The following RAPGEF2 variants were observed in gnomAD, a reference collection of about 807,000 sequenced individuals.
RAPGEF2 encodes PDZ domain containing guanine nucleotide exchange factor (GEF) 1.
In RAPGEF2, 54 loss-of-function variants were observed where a neutral mutation model predicts 186.7. The ratio of observed to expected loss-of-function variants is 0.29; its 90% CI spans 0.23 to 0.36. The LOEUF is 0.36. Among genes scored for constraint, RAPGEF2 ranks in the 10% least tolerant of loss-of-function variants. RAPGEF2 has a pLI of 1.00. For synonymous variants in RAPGEF2, 712 were observed against 705.9 expected, an observed-to-expected ratio of 1.01 and a Z score of -0.14; for missense variants, 1,532 against 2,045.0, an observed-to-expected ratio of 0.75 and a Z score of 4.84.
intron 12 of RAPGEF2, 75 bp from the exon 13 acceptor site, chr4:159,330,255 GTATA>G (rs1766471560): frequency 6.1e-6 from 5 of 815,482 alleles, no homozygotes; most frequent in Admixed American, 3.0e-5. Flanking sequence ...ATGTGTGTGT[GTATA>G]TGTATATGTG....
At chr4:159,315,083 A>G (rs1204451008) in intron 9 of RAPGEF2, among the ~76,000 whole-genome samples, 1 of 151,638 alleles carries the variant, frequency 6.6e-6, no homozygotes, top group Non-Finnish European at 1.5e-5. Context: ...TATTACTTCT[A>G]TTAATTTTCT....
intron 7 of RAPGEF2, among the ~76,000 whole-genome samples, chr4:159,263,756 A>G (rs936082953): frequency 1.3e-5 from 2 of 152,196 alleles, no homozygotes; most frequent in African/African-American, 4.8e-5. Context: ...AAGTGTGATT[A>G]ATCATTACTG....
At chr4:159,295,738 TGTGTGTGTGTGTGTGTGCGCGC>T (rs1314008170) in intron 7 of RAPGEF2, among the ~76,000 whole-genome samples, 5 of 133,808 alleles carry the variant, frequency 3.7e-5, no homozygotes, top group African/African-American at 1.4e-4. Flanking sequence ...TGTGTGTGTG[TGTGTGTGTGTGTGTGTGCGCGC>T]GCGCGCGCGC....
At chr4:159,212,231 T>C (rs1413396227) in intron 4 of RAPGEF2, among the ~76,000 whole-genome samples, 1 of 152,180 alleles carries the variant, frequency 6.6e-6, no homozygotes, top group Non-Finnish European at 1.5e-5. Flanking sequence ...TCCATTGGAA[T>C]CGTAAAGCTC....
chr4:159,130,863 C>A (rs1419477728), intron 1 of RAPGEF2, among the ~76,000 whole-genome samples: 1 of 151,964 alleles, frequency 6.6e-6, no homozygotes, highest in Non-Finnish European at 1.5e-5. Context: ...GCGGGCACCA[C>A]CACGTCTGGC....
chr4:159,338,545 T>C (rs554019435), intron 18 of RAPGEF2, 77 bp downstream of exon 18: 3 of 1,368,394 alleles, frequency 2.2e-6, no homozygotes, highest in African/African-American at 2.9e-5. Context: ...ATTATATGTA[T>C]CTCTCTTCAT....
intron 7 of RAPGEF2, among the ~76,000 whole-genome samples, chr4:159,250,686 T>TG (rs1491244836): frequency 1.0e-5 from 1 of 100,188 alleles, no homozygotes; most frequent in Non-Finnish European, 2.3e-5. Context: ...TTTTTTTTTT[T>TG]GGGACAGGGT....
At chr4:159,111,276 T>G (rs924748647) in intron 1 of RAPGEF2, among the ~76,000 whole-genome samples, 3 of 152,124 alleles carry the variant, frequency 2.0e-5, no homozygotes, top group African/African-American at 7.2e-5. Flanking sequence ...TTTGGGAGAG[T>G]TAGTGTCAGT....
At chr4:159,326,394 A>G (rs988775511) in intron 11 of RAPGEF2, among the ~76,000 whole-genome samples, 3 of 152,234 alleles carry the variant, frequency 2.0e-5, no homozygotes, top group African/African-American at 7.2e-5. Flanking sequence ...AACAAAAATG[A>G]TGCTATCTTT....
Position 159,103,123 on chromosome 4 carries a change from G to C in RAPGEF2, c.-1040G>C, listed in dbSNP as rs1277475837. The C allele has an allele frequency of 1.3e-5, 2 of 152,488 alleles. No homozygotes were observed. Among genetic ancestry groups the C allele is most frequent in the African/African-American group, 2.4e-5 (1 of 41,422 alleles). The allele number at this position is 152,488 out of a possible 1,614,324, so 9.4% of individuals were successfully genotyped here. A position where few individuals can be genotyped will look rare whatever the true frequency, so the allele number is the denominator to read the frequency against. On this transcript the variant is annotated 5_prime_UTR_variant, in exon 1 of 30. Coordinates refer to ENST00000691494, the MANE Select transcript of RAPGEF2 (RefSeq NM_001394067.2). Reference sequence around the variant, plus strand: ...CGGAGAAGGCGCAGGAGGAGGAAGAGGCGGAGGAAGAGGAGGGGAATCGCC... The same window carrying C: ...CGGAGAAGGCGCAGGAGGAGGAAGACGCGGAGGAAGAGGAGGGGAATCGCC...
At chr4:159,344,562 C>T (rs1730024656) in intron 23 of RAPGEF2, among the ~76,000 whole-genome samples, 1 of 152,160 alleles carries the variant, frequency 6.6e-6, no homozygotes, top group Non-Finnish European at 1.5e-5. Context: ...TAATTCTTAA[C>T]AATTCATGTG....
rs181980188 is a variant in RAPGEF2 at position 159,227,439 on chromosome 4, C to T, written c.282-11370C>T. Among the ~76,000 whole-genome samples the T allele has an allele frequency of 3.9e-5, 6 of 152,270 alleles. No individual in the cohort carries two copies. The East Asian group carries it at 9.6e-4, about 24-fold the overall frequency. ...CAGCTTTGCACAATGAAATGGTGAA[C>T]GTTTAACAAAAGTATATTGGATGGG... is the stretch of plus-strand genomic sequence containing the variant. On this transcript the variant is annotated intron_variant, in intron 4 of 29. Transcript: ENST00000691494.
At chr4:159,132,586 TA>T (rs1180926396) in intron 1 of RAPGEF2, among the ~76,000 whole-genome samples, 1 of 152,230 alleles carries the variant, frequency 6.6e-6, no homozygotes, top group Admixed American at 6.5e-5. Flanking sequence ...GTTGGCTTTT[TA>T]AAATCTGACT....
chr4:159,216,468 T>C (rs998787071), intron 4 of RAPGEF2, among the ~76,000 whole-genome samples: 3 of 152,066 alleles, frequency 2.0e-5, no homozygotes, highest in Non-Finnish European at 4.4e-5. Flanking sequence ...AAAGAAAATG[T>C]GGACATGATA....
rs1732363446 is a variant in RAPGEF2, at chr4:159,358,530, C to T, written c.*391C>T. 5.2e-6 allele frequency: 1 copy of T among 190,598 alleles called. No homozygotes were observed. Among genetic ancestry groups the T allele is most frequent in the Non-Finnish European group, 1.1e-5 (1 of 94,202 alleles). 11.8% of individuals were successfully genotyped at this position (190,598 alleles called of 1,614,324 possible). A position where few individuals can be genotyped will look rare whatever the true frequency, so the allele number is the denominator to read the frequency against. Reference sequence around the variant, plus strand: ...TCTTCCTTTTAGATTTCAATCCAGTCCTAGCACTTGATCTCATTGGGATAA... The same window carrying T: ...TCTTCCTTTTAGATTTCAATCCAGTTCTAGCACTTGATCTCATTGGGATAA... On this transcript the variant is annotated 3_prime_UTR_variant, in exon 30 of 30. Coordinates refer to ENST00000691494, the MANE Select transcript of RAPGEF2 (RefSeq NM_001394067.2).
intron 1 of RAPGEF2, among the ~76,000 whole-genome samples, chr4:159,116,128 A>AG (rs1739025100): frequency 6.6e-6 from 1 of 152,224 alleles, no homozygotes; most frequent in African/African-American, 2.4e-5. Context: ...AGCAAAAAAA[A>AG]CTATCATCAG....
chr4:159,344,068 T>G lies in RAPGEF2; in HGVS notation c.3278+9T>G. The stretch of plus-strand genomic sequence containing the variant: ...AAATGGCGGAGTTTGGGGTAAGTGG[T>G]GGAGACCTTGCATACCCACACACAG... On this transcript the variant is annotated intron_variant, in intron 23 of 29. Coordinates refer to ENST00000691494, the MANE Select transcript of RAPGEF2 (RefSeq NM_001394067.2). 2 of 1,530,374 alleles carry G rather than the reference T, an allele frequency of 1.3e-6. No individual in the cohort carries two copies. Among genetic ancestry groups the G allele is most frequent in the Non-Finnish European group, 1.8e-6 (2 of 1,103,872 alleles). 94.8% of individuals were successfully genotyped at this position (1,530,374 alleles called of 1,614,324 possible). A position where few individuals can be genotyped will look rare whatever the true frequency, so the allele number is the denominator to read the frequency against.
intron 1 of RAPGEF2, among the ~76,000 whole-genome samples, chr4:159,149,095 T>C (rs926029510): frequency 6.6e-6 from 1 of 152,186 alleles, no homozygotes; most frequent in African/African-American, 2.4e-5. Context: ...CCCTTTTGCA[T>C]AGCTGTCATG....
intron 29 of RAPGEF2, among the ~76,000 whole-genome samples, chr4:159,357,619 G>A (rs1164826108): frequency 6.6e-6 from 1 of 152,140 alleles, no homozygotes; most frequent in Non-Finnish European, 1.5e-5. Flanking sequence ...GGAGGCGGAG[G>A]TTGCAGTGAG....
Sources: gnomAD v4.1 joint callset for allele counts (sites outside exome capture counted in the v4.1 genomes callset) on GRCh38, gnomAD v4.1.1 for gene constraint, MANE v1.5 for transcripts, NCBI Gene and HGNC (gene_info 2026-07-23, HGNC 2026-07-21) for gene names.